Variants in RAPGEF6 observed in about 807,000 individuals in gnomAD.
RAPGEF6 encodes the protein PDZ domain containing guanine nucleotide exchange factor (GEF) 2.
In RAPGEF6, 56 loss-of-function variants were observed where a neutral mutation model predicts 171.4. That is an observed-to-expected ratio of 0.33 (90% CI 0.26 to 0.41). The LOEUF (loss-of-function observed/expected upper bound fraction) is 0.41, where lower values mean the gene tolerates loss of function less well. Ranked by LOEUF, RAPGEF6 falls within the 10% of genes least tolerant of loss-of-function variation. The pLI is 1.00. For missense variants in RAPGEF6, 1,674 were observed against 1,921.4 expected (o/e 0.87, Z 2.41); for synonymous variants, 692 against 650.1 (o/e 1.06, Z -0.98).
intron 6 of RAPGEF6, among the ~76,000 whole-genome samples, chr5:131,527,075 T>C (rs1758918651): frequency 6.6e-6 from 1 of 152,146 alleles, no homozygotes; most frequent in Non-Finnish European, 1.5e-5. Context: ...AGGGCAGTGA[T>C]ATAAGAGCTA....
At chr5:131,495,041 T>C (rs76247560) in intron 13 of RAPGEF6, among the ~76,000 whole-genome samples, 1 of 152,290 alleles carries the variant, frequency 6.6e-6, no homozygotes, top group East Asian at 1.9e-4. Context: ...ACGCCTGTAA[T>C]CTCAGCACTC....
chr5:131,585,325 CATACATACATAT>C (rs1487311111), intron 4 of RAPGEF6, among the ~76,000 whole-genome samples: 3 of 149,538 alleles, frequency 2.0e-5, no homozygotes, highest in African/African-American at 7.4e-5. Flanking sequence ...TACATACATA[CATACATACATAT>C]ATATCTCCAT....
intron 1 of RAPGEF6, among the ~76,000 whole-genome samples, chr5:131,625,345 T>C (rs917234601): frequency 6.6e-6 from 1 of 152,174 alleles, no homozygotes; most frequent in African/African-American, 2.4e-5. Context: ...TTATAGTTCA[T>C]TTCAAAGTTT....
At chr5:131,630,145 T>C (rs935702993) in intron 1 of RAPGEF6, among the ~76,000 whole-genome samples, 1 of 152,190 alleles carries the variant, frequency 6.6e-6, no homozygotes, top group Non-Finnish European at 1.5e-5. Flanking sequence ...TTTAAGAAAC[T>C]GTCACAGCCA....
intron 4 of RAPGEF6, among the ~76,000 whole-genome samples, chr5:131,573,180 G>A (rs1240383726): frequency 1.3e-5 from 2 of 151,814 alleles, no homozygotes; most frequent in East Asian, 1.9e-4. Context: ...CCAATTCTTC[G>A]GCAGCCTCTG....
In RAPGEF6 at chr5:131,602,390, T is replaced by C. The variant is rs1232903093; in HGVS notation, c.197+881A>G. Among the ~76,000 whole-genome samples, 4 of 152,204 alleles carry C rather than the reference T, an allele frequency of 2.6e-5. No individual in the cohort carries two copies. In the East Asian group the frequency reaches 7.7e-4, roughly 29 times the overall value. On this transcript the variant is annotated intron_variant, in intron 3 of 27. Coordinates refer to ENST00000509018, the MANE Select transcript of RAPGEF6 (RefSeq NM_016340.6). ...ATGACCATAATTTTATTCCTAGGAA[T>C]ATCCTCAACAGGAGTAAGCAATAAG...
intron 24 of RAPGEF6, among the ~76,000 whole-genome samples, chr5:131,434,732 T>C (rs1751916414): frequency 6.6e-6 from 1 of 152,222 alleles, no homozygotes; most frequent in Non-Finnish European, 1.5e-5. Context: ...AGAGATGTTC[T>C]TCTGTATTCT....
chr5:131,469,866 C>T, intron 17 of RAPGEF6: 1 of 1,445,220 alleles, frequency 6.9e-7, no homozygotes, highest in Non-Finnish European at 9.3e-7. Context: ...CAAAAACAAA[C>T]TTACAGTTCT....
chr5:131,508,319 T>A, intron 8 of RAPGEF6, 112 bp from the exon 9 acceptor site: 1 of 1,131,318 alleles, frequency 8.8e-7, no homozygotes, highest in South Asian at 1.8e-5. Flanking sequence ...AAATTTATGT[T>A]GCTAAAGTAG....
intron 6 of RAPGEF6, among the ~76,000 whole-genome samples, chr5:131,531,162 G>A (rs1759344027): frequency 6.6e-6 from 1 of 152,116 alleles, no homozygotes; most frequent in African/African-American, 2.4e-5. Flanking sequence ...GCTATCATAG[G>A]ATTTCTTCCT....
intron 1 of RAPGEF6, among the ~76,000 whole-genome samples, chr5:131,614,851 C>T (rs909202852): frequency 3.9e-5 from 6 of 152,224 alleles, no homozygotes; most frequent in African/African-American, 1.4e-4. Context: ...TTCCAGTATT[C>T]CAAGTAATTC....
chr5:131,528,774 T>C (rs1759161924), intron 6 of RAPGEF6, among the ~76,000 whole-genome samples: 1 of 150,586 alleles, frequency 6.6e-6, no homozygotes, highest in South Asian at 2.1e-4. Flanking sequence ...TGAGGAGGAG[T>C]GTAGTAGGAG....
At chr5:131,527,303 C>CA (rs749579004) in intron 6 of RAPGEF6, among the ~76,000 whole-genome samples, 5,753 of 151,496 alleles carry the variant, frequency 0.038, 159 homozygotes, top group African/African-American at 0.074. Context: ...ACAACAACAA[C>CA]AAAAAAAAAC....
chr5:131,436,394 A>G (rs1468210102), intron 24 of RAPGEF6: 15 of 1,532,982 alleles, frequency 9.8e-6, no homozygotes, highest in African/African-American at 1.4e-5. Context: ...GGAGGGAGAG[A>G]TGCAAAAACC....
At chr5:131,458,481 A>G (rs1343372454) in intron 19 of RAPGEF6, among the ~76,000 whole-genome samples, 1 of 152,192 alleles carries the variant, frequency 6.6e-6, no homozygotes, top group Admixed American at 6.5e-5. Context: ...AGGTATTTCT[A>G]TACAGCAGTG....
intron 1 of RAPGEF6, among the ~76,000 whole-genome samples, chr5:131,620,490 G>A (rs374870489): frequency 5.9e-4 from 90 of 152,200 alleles, no homozygotes; most frequent in African/African-American, 1.8e-3. Flanking sequence ...TTCTACTTTC[G>A]AAATATCTCC....
chr5:131,580,372 C>T (rs1762877536), intron 4 of RAPGEF6, among the ~76,000 whole-genome samples: 1 of 152,144 alleles, frequency 6.6e-6, no homozygotes, highest in Non-Finnish European at 1.5e-5. Flanking sequence ...TTGTGCTGGC[C>T]GCACGAGCGC....
intron 4 of RAPGEF6, among the ~76,000 whole-genome samples, chr5:131,567,461 C>G (rs572585350): frequency 6.6e-6 from 1 of 152,298 alleles, no homozygotes; most frequent in East Asian, 1.9e-4. Flanking sequence ...TGTGTGTTCA[C>G]TTCCACTGTG....
At chr5:131,471,415 A>G (rs569995336) in intron 17 of RAPGEF6, among the ~76,000 whole-genome samples, 2 of 152,302 alleles carry the variant, frequency 1.3e-5, no homozygotes, top group South Asian at 2.1e-4. Context: ...TAAAACATGA[A>G]CTTTACTACT....
Sources: allele counts gnomAD v4.1 joint callset (sites outside exome capture counted in the v4.1 genomes callset), GRCh38; gene constraint gnomAD v4.1.1; transcripts MANE v1.5; gene names NCBI Gene and HGNC (gene_info 2026-07-23, HGNC 2026-07-21).